OPN3: variants seen among roughly 807,000 people sequenced by gnomAD.
OPN3 encodes the protein opsin 3.
A neutral mutation model predicts 33.8 loss-of-function variants in OPN3; 29 were observed. The ratio of observed to expected loss-of-function variants is 0.86; its 90% CI spans 0.64 to 1.17. OPN3 has a LOEUF of 1.17. Among genes scored for constraint, OPN3 ranks in the 50% most tolerant of loss-of-function variants. OPN3 has a pLI of 0.00. For missense variants in OPN3, 437 were observed against 514.1 expected, an observed-to-expected ratio of 0.85 and a Z score of 1.45; for synonymous variants, 216 against 216.1, an observed-to-expected ratio of 1.00 and a Z score of 0.00.
At chr1:241,625,490 G>A (rs568878010) in intron 1 of OPN3, among the ~76,000 whole-genome samples, 3 of 152,026 alleles carry the variant, frequency 2.0e-5, no homozygotes, top group Admixed American at 1.3e-4. Flanking sequence ...GCAGAGGAAC[G>A]GTATTTCTGG....
intron 1 of OPN3, chr1:241,629,344 A>G (rs619532): frequency 3.9e-5 from 6 of 152,272 alleles, no homozygotes; most frequent in African/African-American, 1.2e-4. Context: ...TGCTGCTGCT[A>G]TAAGGACACA....
At chr1:241,634,542 AG>A in intron 1 of OPN3, 1 of 1,613,954 alleles carries the variant, frequency 6.2e-7, no homozygotes, top group South Asian at 1.1e-5. Context: ...TCGACTACAA[AG>A]CATTGTACTT....
rs1391388187 is a variant in OPN3, at chr1:241,640,225, G to C, written c.30C>G (p.His10Gln). 7.5e-7 allele frequency: 1 copy of C among 1,329,166 alleles called. No homozygotes were observed. The highest frequency in any genetic ancestry group is 1.5e-5 in the African/African-American group (1 of 64,566). 82.3% of individuals were successfully genotyped at this position (1,329,166 alleles called of 1,614,324 possible). MYSGNRSGG[H>Q]GYWDGGGAAG... Reference sequence around the variant, plus strand: ...CGGCCCCGCCGCCGTCCCAGTAGCCGTGGCCGCCGCTGCGGTTCCCCGAGT... The same window carrying C: ...CGGCCCCGCCGCCGTCCCAGTAGCCCTGGCCGCCGCTGCGGTTCCCCGAGT... Residue 10 changes from histidine to glutamine, a missense_variant, in exon 1 of 4, where the codon CAC becomes CAG. His to Gln is a conservative substitution (Grantham distance 24). Transcript: ENST00000366554.
At chr1:241,624,399 G>A (rs759788820) in intron 1 of OPN3, among the ~76,000 whole-genome samples, 1 of 152,204 alleles carries the variant, frequency 6.6e-6, no homozygotes, top group Non-Finnish European at 1.5e-5. Flanking sequence ...ATGGGGTGTT[G>A]TTCCTCATAT....
At chr1:241,615,186 G>T (rs1353058395) in intron 1 of OPN3, among the ~76,000 whole-genome samples, 1 of 131,898 alleles carries the variant, frequency 7.6e-6, no homozygotes, top group Non-Finnish European at 1.6e-5. Flanking sequence ...ACAAACATAA[G>T]CACAGTGGGG....
chr1:241,594,725 T>C (rs1316775688), intron 3 of OPN3, 34 bp from the exon 4 acceptor site: 1 of 1,598,166 alleles, frequency 6.3e-7, no homozygotes, highest in African/African-American at 1.3e-5. Flanking sequence ...GAATATTAAG[T>C]AAAAGTTGGG....
intron 1 of OPN3, chr1:241,632,368 G>T (rs1284749937): frequency 6.6e-6 from 1 of 152,086 alleles, no homozygotes; most frequent in Non-Finnish European, 1.5e-5. Context: ...AATACAGAGG[G>T]TACATGCGAA....
At chr1:241,626,779 AT>A (rs1317272065) in intron 1 of OPN3, among the ~76,000 whole-genome samples, 1 of 152,242 alleles carries the variant, frequency 6.6e-6, no homozygotes, top group African/African-American at 2.4e-5. Context: ...TCAGAGATGA[AT>A]ACGGAACAAG....
At chr1:241,635,486 T>G in intron 1 of OPN3, 1 of 1,613,896 alleles carries the variant, frequency 6.2e-7, no homozygotes, top group Non-Finnish European at 8.5e-7. Flanking sequence ...TTGAATAGTT[T>G]CATCCTTCTT....
chr1:241,635,644 G>T (rs1320435852), intron 1 of OPN3: 15 of 1,613,922 alleles, frequency 9.3e-6, no homozygotes, highest in Non-Finnish European at 1.3e-5. Flanking sequence ...CTCCATAGTA[G>T]CTTCTTGAAT....
intron 1 of OPN3, among the ~76,000 whole-genome samples, chr1:241,615,340 C>T (rs752600299): frequency 2.6e-5 from 4 of 151,990 alleles, no homozygotes; most frequent in Non-Finnish European, 2.9e-5. Context: ...GGGAGGCATA[C>T]GCTTTGTTTC....
Position 241,634,961 on chromosome 1 carries a change from C to G in OPN3, c.373+4921G>C, listed in dbSNP as rs148967774. 10 of 1,613,426 alleles carry G rather than the reference C, an allele frequency of 6.2e-6. No individual in the cohort carries two copies. In the South Asian group the frequency reaches 1.1e-4, roughly 18 times the overall value. On this transcript the variant is annotated intron_variant, in intron 1 of 3. Transcript: ENST00000366554. ...AGGAACTTGTTCTACCTTTCCTTCCCGAAATGCAAGAATCCTAGTGACATT... is the reference window on the plus strand; with the variant it reads ...AGGAACTTGTTCTACCTTTCCTTCCGGAAATGCAAGAATCCTAGTGACATT...
At chr1:241,622,827 G>A (rs550653703) in intron 1 of OPN3, among the ~76,000 whole-genome samples, 1 of 152,198 alleles carries the variant, frequency 6.6e-6, no homozygotes, top group Non-Finnish European at 1.5e-5. Context: ...GTAATCTTAT[G>A]TAACTGGTAA....
At chr1:241,613,471 T>G (rs1438043199) in intron 1 of OPN3, among the ~76,000 whole-genome samples, 1 of 152,180 alleles carries the variant, frequency 6.6e-6, no homozygotes, top group East Asian at 1.9e-4. Context: ...TATCAAAAAT[T>G]TTATATTAGT....
chr1:241,623,502 T>C (rs1413431048), intron 1 of OPN3, among the ~76,000 whole-genome samples: 1 of 152,206 alleles, frequency 6.6e-6, no homozygotes, highest in Non-Finnish European at 1.5e-5. Flanking sequence ...TAGGATAAAG[T>C]AGTCAGAATT....
At chr1:241,633,596 T>C in intron 1 of OPN3, 1 of 616,946 alleles carries the variant, frequency 1.6e-6, no homozygotes, top group South Asian at 2.1e-5. Flanking sequence ...CTAAACAAAA[T>C]GTTCAATAAT....
At chr1:241,635,001 A>G in intron 1 of OPN3, 2 of 1,613,600 alleles carry the variant, frequency 1.2e-6, no homozygotes, top group Non-Finnish European at 1.7e-6. Flanking sequence ...AATTCTACAT[A>G]ACGACTAACA....
At chr1:241,631,640 GATA>G (rs1333374224) in intron 1 of OPN3, 4 of 152,088 alleles carry the variant, frequency 2.6e-5, no homozygotes, top group Admixed American at 6.5e-5. Flanking sequence ...ATTTTGGCCT[GATA>G]ATATTTTTTG....
intron 1 of OPN3, among the ~76,000 whole-genome samples, chr1:241,622,964 T>C (rs1210602497): frequency 6.6e-6 from 1 of 152,136 alleles, no homozygotes; most frequent in Non-Finnish European, 1.5e-5. Context: ...AGTTTCTTTG[T>C]ATTTGGACAG....
Sources: allele counts gnomAD v4.1 joint callset (sites outside exome capture counted in the v4.1 genomes callset), GRCh38; gene constraint gnomAD v4.1.1; transcripts MANE v1.5; gene names NCBI Gene and HGNC (gene_info 2026-07-23, HGNC 2026-07-21).